Variants in FAAH2 observed in about 807,000 individuals in gnomAD.
FAAH2 encodes the protein fatty-acid amide hydrolase 2.
In FAAH2, 60 loss-of-function variants were observed where a neutral mutation model predicts 36.9. The ratio of observed to expected loss-of-function variants is 1.63; its 90% CI spans 1.32 to 2.02. The LOEUF is 2.02. Among genes scored for constraint, FAAH2 ranks in the 30% most tolerant of loss-of-function variants. The pLI is 0.00. For missense variants in FAAH2, 689 were observed against 397.5 expected, an observed-to-expected ratio of 1.73 and a Z score of -6.23; for synonymous variants, 214 against 143.8, an observed-to-expected ratio of 1.49 and a Z score of -3.49.
At chrX:57,232,171 G>A in the FAAH2 span, among the ~76,000 whole-genome samples, 1 of 112,112 alleles carries the variant, frequency 8.9e-6, no homozygotes, top group South Asian at 3.7e-4. Flanking sequence ...AGGAAAGACT[G>A]ACAGTCTGAA....
chrX:57,175,165 T>C, the FAAH2 span, among the ~76,000 whole-genome samples: 6 of 111,891 alleles, frequency 5.4e-5, no homozygotes, highest in Non-Finnish European at 9.4e-5. Flanking sequence ...TTGTTGTCAG[T>C]GGAGTGTTGA....
intron 8 of FAAH2, among the ~76,000 whole-genome samples, chrX:57,440,174 C>G (rs915498049): frequency 2.7e-5 from 3 of 111,184 alleles, no homozygotes; most frequent in Admixed American, 9.6e-5. Context: ...GGCATTGAAT[C>G]TATAAATTAC....
At chrX:57,221,964 C>G in the FAAH2 span, among the ~76,000 whole-genome samples, 1 of 110,591 alleles carries the variant, frequency 9.0e-6, no homozygotes, top group Non-Finnish European at 1.9e-5. Flanking sequence ...TGTAGCCCCT[C>G]TCAAAAAAAC....
chrX:57,462,669 A>G (rs2056981606), intron 10 of FAAH2, among the ~76,000 whole-genome samples: 1 of 112,652 alleles, frequency 8.9e-6, no homozygotes, highest in African/African-American at 3.2e-5. Flanking sequence ...CAAAATAATA[A>G]GCACTATTTA....
At chrX:57,254,048 G>A in the FAAH2 span, among the ~76,000 whole-genome samples, 2,742 of 110,201 alleles carry the variant, frequency 0.025, 80 homozygotes, top group African/African-American at 0.086. Context: ...CTCACCTCAC[G>A]TGCAAAGACA....
chrX:57,463,362 G>A (rs761863750), intron 10 of FAAH2, among the ~76,000 whole-genome samples: 5 of 110,719 alleles, frequency 4.5e-5, no homozygotes, highest in Admixed American at 1.9e-4. Context: ...AAAACCCTAA[G>A]AAAAAAGACC....
chrX:57,216,990 C>A, the FAAH2 span, among the ~76,000 whole-genome samples: 1 of 110,283 alleles, frequency 9.1e-6, no homozygotes, highest in South Asian at 3.9e-4. Flanking sequence ...AAGGTGGTAT[C>A]GCATTGTGGT....
chrX:57,430,639 G>A (rs1183844915), intron 7 of FAAH2, among the ~76,000 whole-genome samples: 1 of 112,050 alleles, frequency 8.9e-6, no homozygotes, highest in Non-Finnish European at 1.9e-5. Flanking sequence ...CAATGTCATA[G>A]GTCTGCATCA....
intron 1 of FAAH2, among the ~76,000 whole-genome samples, chrX:57,288,498 C>A (rs1035255505): frequency 3.9e-4 from 42 of 107,851 alleles, no homozygotes; most frequent in African/African-American, 1.3e-3. Flanking sequence ...TACAGGCGCC[C>A]GCCACCATGC....
intron 5 of FAAH2, among the ~76,000 whole-genome samples, chrX:57,344,604 T>C (rs1249658625): frequency 9.0e-6 from 1 of 111,395 alleles, no homozygotes; most frequent in Non-Finnish European, 1.9e-5. Context: ...ATGCTCTGGC[T>C]AGGGCTTCCA....
intron 10 of FAAH2, among the ~76,000 whole-genome samples, chrX:57,468,902 A>G (rs1020457064): frequency 1.1e-4 from 12 of 112,251 alleles, no homozygotes; most frequent in Non-Finnish European, 2.3e-4. Context: ...CGGATCTCTC[A>G]GCAGAAACTC....
At chrX:57,485,727 T>A (rs1181339673) in intron 10 of FAAH2, among the ~76,000 whole-genome samples, 1 of 112,223 alleles carries the variant, frequency 8.9e-6, no homozygotes, top group Admixed American at 9.4e-5. Flanking sequence ...ATTTCATAGA[T>A]CTCTATTTAT....
chrX:57,151,324 G>A, the FAAH2 span, among the ~76,000 whole-genome samples: 1 of 112,015 alleles, frequency 8.9e-6, no homozygotes, highest in East Asian at 2.8e-4. Context: ...CTAGATTGGG[G>A]AAGTTCTCCT....
At chrX:57,189,013 C>T in the FAAH2 span, among the ~76,000 whole-genome samples, 1 of 111,539 alleles carries the variant, frequency 9.0e-6, no homozygotes, top group Non-Finnish European at 1.9e-5. Context: ...CAGTCACGTT[C>T]AGGGACCCCA....
chrX:57,127,576 A>G, the FAAH2 span, among the ~76,000 whole-genome samples: 3 of 111,934 alleles, frequency 2.7e-5, no homozygotes, highest in East Asian at 2.8e-4. Context: ...ATAACATTCT[A>G]ATCACTTATT....
the FAAH2 span, among the ~76,000 whole-genome samples, chrX:57,202,374 G>T: frequency 8.9e-6 from 1 of 112,138 alleles, no homozygotes; most frequent in African/African-American, 3.2e-5. Flanking sequence ...AACACCATGA[G>T]TCTCACAGAC....
intron 10 of FAAH2, among the ~76,000 whole-genome samples, chrX:57,466,324 C>A (rs1309259768): frequency 9.4e-6 from 1 of 106,439 alleles, no homozygotes; most frequent in East Asian, 2.9e-4. Context: ...ATCCATAAAT[C>A]AGTCACTAAA....
chrX:57,419,783 A>T (rs1298573383), intron 7 of FAAH2, among the ~76,000 whole-genome samples: 1 of 111,706 alleles, frequency 9.0e-6, no homozygotes, highest in Non-Finnish European at 1.9e-5. Flanking sequence ...TTAGACATGA[A>T]GTCCTTGCCC....
At chrX:57,227,039 A>T in the FAAH2 span, among the ~76,000 whole-genome samples, 1 of 110,144 alleles carries the variant, frequency 9.1e-6, no homozygotes, top group Admixed American at 9.7e-5. Flanking sequence ...ATTTCATTGG[A>T]TATTTCTCCC....
Sources: gnomAD v4.1 joint callset for allele counts (sites outside exome capture counted in the v4.1 genomes callset) on GRCh38, gnomAD v4.1.1 for gene constraint, MANE v1.5 for transcripts, NCBI Gene and HGNC (gene_info 2026-07-23, HGNC 2026-07-21) for gene names.